Variants in PSG4 observed in about 807,000 individuals in gnomAD.
PSG4 encodes pregnancy-specific beta-1-glycoprotein 4.
PSG4 carries 61 observed loss-of-function variants against 44.3 expected under a neutral mutation model. The observed-to-expected ratio is 1.38, with a 90% CI of 1.12 to 1.70. The LOEUF (loss-of-function observed/expected upper bound fraction) is 1.70, where lower values mean the gene tolerates loss of function less well. Among genes scored for constraint, PSG4 ranks in the 40% most tolerant of loss-of-function variants. The pLI, the probability that PSG4 is intolerant of heterozygous loss-of-function variation, is 0.00. For synonymous variants in PSG4, 248 were observed against 191.3 expected (o/e 1.30, Z -2.45); for missense variants, 677 against 511.7 (o/e 1.32, Z -3.12).
chr19:43,195,074 A>G lies in PSG4; in HGVS notation c.909T>C (p.Asn303=), dbSNP rs750454457. 5.0e-6 allele frequency: 8 copies of G among 1,611,368 alleles called. No individual in the cohort carries two copies. The highest frequency in any genetic ancestry group is 1.9e-4 in the Middle Eastern group (1 of 5,330). ...TTTCACATTGATAAGGTCCTGTTTC[A>G]TTTCTCGTGACATTGGGTAGAATGA... The part of the protein sequence containing the change: ...RILILPNVTR[N]ETGPYQCEIR... The change falls in exon 4 of 6, where the codon AAT becomes AAC. Residue 303 remains asparagine, a synonymous_variant. Coordinates refer to ENST00000405312, the MANE Select transcript of PSG4 (RefSeq NM_002780.5).
chr19:43,197,213 C>T (rs1457647651), intron 3 of PSG4, among the ~76,000 whole-genome samples: 6 of 144,774 alleles, frequency 4.1e-5, no homozygotes, highest in African/African-American at 1.6e-4. Context: ...GGTTTTGGAG[C>T]AGAAACATAT....
rs10408658 is a variant in PSG4 at position 43,193,953 on chromosome 19, C to A, written c.1243+387G>T. On this transcript the variant is annotated intron_variant, in intron 5 of 5. Transcript: ENST00000405312. The stretch of plus-strand genomic sequence containing the variant: ...AAAAGTAAATGTTTCAATTACGGTT[C>A]CCAGAAGTATAGTTTATTGAACTGC... 945 of 781,222 alleles carry A rather than the reference C, an allele frequency of 1.2e-3. 25 individuals carry two copies. In the South Asian group the frequency reaches 0.013, roughly 11 times the overall value. The allele number at this position is 781,222 out of a possible 1,614,324, so 48.4% of individuals were successfully genotyped here. A position where few individuals can be genotyped will look rare whatever the true frequency, so the allele number is the denominator to read the frequency against.
At chr19:43,197,793 C>T (rs1468857339) in intron 3 of PSG4, 4 of 1,100,318 alleles carry the variant, frequency 3.6e-6, no homozygotes, top group Middle Eastern at 3.1e-4. Context: ...CTGAGTCTCC[C>T]ATGACAGGAG....
chr19:43,195,206 G>T lies in PSG4; in HGVS notation c.777C>A (p.Thr259=), dbSNP rs749629675. The change falls in exon 4 of 6, where the codon ACC becomes ACA. Residue 259 remains threonine, a synonymous_variant. Transcript: ENST00000405312. ...TCTTACTCTTAGGTTCACAGGTGAA[G>T]GTTAAGACATCCTTATTCTCTCTGG... The part of the protein sequence containing the change: ...LNPRENKDVL[T]FTCEPKSKNY... 1.9e-6 allele frequency: 3 copies of T among 1,610,228 alleles called. No homozygotes were observed. The South Asian group carries it at 3.3e-5, about 18-fold the overall frequency.
intron 4 of PSG4, 100 bp from the exon 5 acceptor site, chr19:43,194,694 C>A: frequency 2.0e-6 from 3 of 1,501,608 alleles, no homozygotes; most frequent in African/African-American, 1.4e-5. Flanking sequence ...CCAAGACACA[C>A]CTTCAAGTCC....
intron 3 of PSG4, chr19:43,196,837 C>G (rs924075408): frequency 3.4e-5 from 5 of 149,086 alleles, no homozygotes; most frequent in East Asian, 2.1e-4. Context: ...CCTGTCAGGT[C>G]AGATTTAGGA....
At chr19:43,205,260 A>G (rs1399830633) in intron 1 of PSG4, among the ~76,000 whole-genome samples, 1 of 142,464 alleles carries the variant, frequency 7.0e-6, no homozygotes, top group African/African-American at 2.7e-5. Context: ...GGAGCACACC[A>G]CTATACCTGG....
chr19:43,200,409 AT>A lies in PSG4; in HGVS notation c.431-2135del, dbSNP rs1599776198. Among the ~76,000 whole-genome samples the A allele has an allele frequency of 2.1e-5, 3 of 144,678 alleles. 1 individual carries two copies. Among genetic ancestry groups the A allele is most frequent in the African/African-American group, 8.0e-5 (3 of 37,436 alleles). 94.9% of individuals were successfully genotyped at this position (144,678 alleles called of 152,430 possible). On this transcript the variant is annotated intron_variant, in intron 2 of 5. Coordinates refer to ENST00000405312, the MANE Select transcript of PSG4 (RefSeq NM_002780.5). ...TTAAAAATTGCTATTGTCAAAAAAA[AT>A]ATTAAATATGAAGGCGAATATGTTG...
chr19:43,203,112 C>G (rs962605208), intron 2 of PSG4: 3 of 146,138 alleles, frequency 2.1e-5, no homozygotes, highest in African/African-American at 7.9e-5. Flanking sequence ...GGAGGTTTCA[C>G]ACAAACAGCA....
chr19:43,194,999 G>T lies in PSG4; in HGVS notation c.984C>A (p.Val328=), dbSNP rs777096468. Residue 328 remains valine (V), a synonymous_variant, in exon 4 of 6, where the codon GTC becomes GTA. Transcript: ENST00000405312. ...GIRSDPVTLN[V]LYGPDLPSIY... ...AGAGGAACAAAAGATACTCACAGAG[G>T]ACATTCAGGGTGACTGGGTCACTGC... 2.5e-6 allele frequency: 4 copies of T among 1,611,426 alleles called. No individual in the cohort carries two copies. The East Asian group carries it at 6.7e-5, about 27-fold the overall frequency.
Position 43,203,632 on chromosome 19 carries a change from T to C in PSG4, c.430+254A>G, listed in dbSNP as rs1174129455. Reference sequence around the variant, plus strand: ...GCATGAGGTGCTTGTCTGAGACTGATCTCCTCCTGCTGAGTCCCCCCATCA... The same window carrying C: ...GCATGAGGTGCTTGTCTGAGACTGACCTCCTCCTGCTGAGTCCCCCCATCA... On this transcript the variant is annotated intron_variant, in intron 2 of 5. Transcript: ENST00000405312. 2.7e-5 allele frequency: 16 copies of C among 582,498 alleles called. 1 individual carries two copies. The highest frequency in any genetic ancestry group is 1.1e-4 in the Admixed American group (3 of 28,548). 36.1% of individuals were successfully genotyped at this position (582,498 alleles called of 1,614,324 possible).
Position 43,194,419 on chromosome 19 carries a change from A to C in PSG4, c.1164T>G (p.His388Gln). 6.2e-7 allele frequency: 1 copy of C among 1,612,416 alleles called. No homozygotes were observed. Among genetic ancestry groups the C allele is most frequent in the Non-Finnish European group, 8.5e-7 (1 of 1,179,122 alleles). The change falls in exon 5 of 6, where the codon CAT becomes CAG. Residue 388 changes from histidine (H) to glutamine (Q), a missense_variant. Transcript: ENST00000405312. ...GAACAGAGCAAGCATAGAGCCCACT[A>C]TGCTTTGTAGTTATTTGGGGGATAG... ...KLSIPQITTK[H>Q]SGLYACSVRN...
intron 2 of PSG4, among the ~76,000 whole-genome samples, chr19:43,200,686 C>A (rs1568388023): frequency 6.9e-6 from 1 of 145,502 alleles, no homozygotes; most frequent in Non-Finnish European, 1.5e-5. Context: ...TGCCATTCTC[C>A]TGCCTCAGCC....
chr19:43,195,227 T>C lies in PSG4; in HGVS notation c.756A>G (p.Arg252=), dbSNP rs3928381. The change falls in exon 4 of 6, where the codon AGA becomes AGG. Residue 252 remains arginine, a synonymous_variant. Coordinates refer to ENST00000405312, the MANE Select transcript of PSG4 (RefSeq NM_002780.5). The part of the protein sequence containing the change: ...PYITINNLNP[R]ENKDVLTFTC... ...TGAAGGTTAAGACATCCTTATTCTCTCTGGGGTTTAAGTTGTTGATTGTGA... is the reference window on the plus strand; with the variant it reads ...TGAAGGTTAAGACATCCTTATTCTCCCTGGGGTTTAAGTTGTTGATTGTGA... The C allele has an allele frequency of 0.058, 92,470 of 1,605,192 alleles. 4,979 individuals carry two copies. The highest frequency in any genetic ancestry group is 0.074 in the Middle Eastern group (336 of 4,522).
In PSG4 at chr19:43,194,495, T is replaced by C. The variant is rs769974320; in HGVS notation, c.1088A>G (p.Gln363Arg). Residue 363 changes from glutamine (Q) to arginine (R), a missense_variant, in exon 5 of 6, where the codon CAA becomes CGA. Coordinates refer to ENST00000405312, the MANE Select transcript of PSG4 (RefSeq NM_002780.5). Reference sequence around the variant, plus strand: ...CTTCCCATTAATTGTCCAAGAATATTGTGCCCGTGGGTTAGACTCGGCGAA... The same window carrying C: ...CTTCCCATTAATTGTCCAAGAATATCGTGCCCGTGGGTTAGACTCGGCGAA... ...SCFAESNPRA[Q>R]YSWTINGKFQ... 9.3e-6 allele frequency: 15 copies of C among 1,612,398 alleles called. 1 individual carries two copies. The African/African-American group carries it at 1.9e-4, about 20-fold the overall frequency.
chr19:43,201,303 G>C (rs1474950201), intron 2 of PSG4, among the ~76,000 whole-genome samples: 2 of 145,608 alleles, frequency 1.4e-5, no homozygotes, highest in Admixed American at 1.4e-4. Flanking sequence ...GACGGCCTTT[G>C]TCAAACTAGT....
rs529195822 is a variant in PSG4 at position 43,199,789 on chromosome 19, G to A, written c.431-1514C>T. Among the ~76,000 whole-genome samples, 6 of 145,576 alleles carry A rather than the reference G, an allele frequency of 4.1e-5. 1 individual carries two copies. Among genetic ancestry groups the A allele is most frequent in the Admixed American group, 4.1e-4 (6 of 14,636 alleles). ...AACTTTTACTGATGATCCAGACATC[G>A]AAGATCAATTGCTGGTAGTAGTATT... On this transcript the variant is annotated intron_variant, in intron 2 of 5. Coordinates refer to ENST00000405312, the MANE Select transcript of PSG4 (RefSeq NM_002780.5).
At chr19:43,193,593 G>C (rs1393930514) in intron 5 of PSG4, 1 of 605,866 alleles carries the variant, frequency 1.7e-6, no homozygotes, top group Admixed American at 2.9e-5. Flanking sequence ...AGTGCAGCAA[G>C]AGTAGCAATA....
Position 43,203,947 on chromosome 19 carries a change from G to A in PSG4, c.369C>T (p.His123=), listed in dbSNP as rs1206062709. Reference sequence around the variant, plus strand: ...CAGTCCCATCGCGTCGCTTTATGATGTGTAAGGTGTAGGATCCTGCATCCT... The same window carrying A: ...CAGTCCCATCGCGTCGCTTTATGATATGTAAGGTGTAGGATCCTGCATCCT... ...TQEDAGSYTL[H]IIKRRDGTGG... is the part of the protein sequence containing the mutation. The change falls in exon 2 of 6, where the codon CAC becomes CAT. Residue 123 remains histidine (H), a synonymous_variant. Coordinates refer to ENST00000405312, the MANE Select transcript of PSG4 (RefSeq NM_002780.5). The A allele has an allele frequency of 2.5e-6, 4 of 1,587,170 alleles. 2 individuals carry two copies. The highest frequency in any genetic ancestry group is 5.3e-5 in the East Asian group (2 of 37,572).
Sources: gnomAD v4.1 joint callset for allele counts (sites outside exome capture counted in the v4.1 genomes callset) on GRCh38, gnomAD v4.1.1 for gene constraint, MANE v1.5 for transcripts, NCBI Gene and HGNC (gene_info 2026-07-23, HGNC 2026-07-21) for gene names.